The following MTCL1 variants were observed in gnomAD, a reference collection of about 807,000 sequenced individuals.
MTCL1 encodes microtubule crosslinking factor 1.
In MTCL1, 79 loss-of-function variants were observed where a neutral mutation model predicts 141.4. That is an observed-to-expected ratio of 0.56 (90% CI 0.47 to 0.67). The LOEUF is 0.67. Ranked by LOEUF, MTCL1 falls within the 30% of genes least tolerant of loss-of-function variation. The pLI is 0.00. For missense variants in MTCL1, 2,177 were observed against 2,113.9 expected (o/e 1.03, Z -0.59); for synonymous variants, 914 against 875.8 (o/e 1.04, Z -0.77).
chr18:8,799,721 A>T lies in MTCL1; in HGVS notation c.2436+1430A>T, dbSNP rs566950201. On this transcript the variant is annotated intron_variant, in intron 10 of 16. Transcript: ENST00000359865. ...CCACAAACCTGCTGCGTCTAAGAAAACGTGTTTCCCACGCATTCACGCAGA... is the reference window on the plus strand; with the variant it reads ...CCACAAACCTGCTGCGTCTAAGAAATCGTGTTTCCCACGCATTCACGCAGA... Among the ~76,000 whole-genome samples, 7 of 152,288 alleles carry T rather than the reference A, an allele frequency of 4.6e-5. 1 individual carries two copies. The South Asian group carries it at 1.2e-3, about 27-fold the overall frequency.
At chr18:8,763,907 GAATTTTGTTGTTGA>G (rs2096445820) in intron 4 of MTCL1, among the ~76,000 whole-genome samples, 2 of 152,112 alleles carry the variant, frequency 1.3e-5, no homozygotes, top group Non-Finnish European at 2.9e-5. Context: ...CTGTGGGAGC[GAATTTTGTTGTTGA>G]AATTTTTCCT....
chr18:8,758,001 T>C (rs573348548), intron 4 of MTCL1, among the ~76,000 whole-genome samples: 10 of 151,766 alleles, frequency 6.6e-5, no homozygotes, highest in Non-Finnish European at 1.5e-4. Context: ...TGACTCAAAG[T>C]TGATGAGTAG....
chr18:8,801,716 A>C (rs2076130778), intron 10 of MTCL1: 1 of 152,114 alleles, frequency 6.6e-6, no homozygotes, highest in Non-Finnish European at 1.5e-5. Flanking sequence ...TGGCCACCTG[A>C]TTTTCATCAG....
intron 16 of MTCL1, chr18:8,829,214 C>T (rs2077121389): frequency 1.0e-6 from 1 of 985,346 alleles, no homozygotes. Flanking sequence ...GCTGAGATTT[C>T]TCCGCTTTTG....
exon 15 of MTCL1, chr18:8,825,034 A>G (rs1160962710): frequency 1.2e-6 from 2 of 1,612,968 alleles, no homozygotes; most frequent in African/African-American, 2.7e-5. Context: ...GAGCACTGCC[A>G]GAAGCAGCCA....
At chr18:8,802,904 A>G (rs189618058) in intron 10 of MTCL1, among the ~76,000 whole-genome samples, 1 of 152,358 alleles carries the variant, frequency 6.6e-6, no homozygotes, top group Admixed American at 6.5e-5. Flanking sequence ...CAAGAGGTTC[A>G]GAAAGCCTGT....
At position 8,796,442 on chromosome 18, in the gene MTCL1, G is replaced by A. The variant is rs1421550969; in HGVS notation, c.2221G>A (p.Glu741Lys). The change falls in exon 9 of 17, where the codon GAA (glutamate) becomes AAA (lysine). Residue 741 changes from glutamate (E) to lysine (K), a missense_variant. Glu to Lys is a moderately conservative substitution (Grantham distance 56, BLOSUM62 1). Coordinates refer to ENST00000359865, the Ensembl canonical transcript of MTCL1. ...GCGGCAAGGGAAGCAGATGGAGGAG[G>A]AAGGAGAGGAGTTCACTGAGGTAAC... The A allele has an allele frequency of 1.9e-5, 31 of 1,614,082 alleles. No homozygotes were observed. The highest frequency in any genetic ancestry group is 2.7e-5 in the African/African-American group (2 of 74,940).
intron 4 of MTCL1, among the ~76,000 whole-genome samples, chr18:8,728,720 CTTTTTTTTTTTTTT>C (rs34524200): frequency 1.7e-4 from 10 of 59,078 alleles, no homozygotes; most frequent in South Asian, 1.4e-3. Context: ...GTTGTCCATT[CTTTTTTTTTTTTTT>C]TTTTTTTTTT....
At chr18:8,780,566 A>C (rs1276289515) in intron 5 of MTCL1, among the ~76,000 whole-genome samples, 1 of 152,180 alleles carries the variant, frequency 6.6e-6, no homozygotes, top group Non-Finnish European at 1.5e-5. Flanking sequence ...GATTTTTGAC[A>C]ATGGACAGAC....
At chr18:8,706,478 C>T in exon 1 of MTCL1, 3 of 1,267,306 alleles carry the variant, frequency 2.4e-6, no homozygotes, top group East Asian at 3.2e-5. Flanking sequence ...CTCGCCGCGC[C>T]CCTCGCCGCG....
At chr18:8,718,036 A>C in intron 2 of MTCL1, 1 of 947,598 alleles carries the variant, frequency 1.1e-6, no homozygotes. Flanking sequence ...CAGGGTCCGT[A>C]TGATTCATCT....
chr18:8,779,745 G>C lies in MTCL1; in HGVS notation c.417+1853G>C, dbSNP rs572763233. Among the ~76,000 whole-genome samples the C allele has an allele frequency of 2.2e-4, 34 of 152,294 alleles. No individual in the cohort carries two copies. The highest frequency in any genetic ancestry group is 7.2e-4 in the African/African-American group (30 of 41,574). On this transcript the variant is annotated intron_variant, in intron 5 of 16. Transcript: ENST00000359865. This position sits in a 1 kb window ranked among gnomAD's most constrained non-coding sequence, Gnocchi z 4.1. The stretch of plus-strand genomic sequence containing the variant: ...CTTGGTGGCAGGCCTCATAGTGCAT[G>C]TGTGGTTGTTAAGTAGAAATGACAG...
At chr18:8,720,342 C>G (rs2096161500) in exon 4 of MTCL1, 2 of 1,613,962 alleles carry the variant, frequency 1.2e-6, no homozygotes, top group Non-Finnish European at 1.7e-6. Context: ...ATGCAGGTAG[C>G]CAAAGATGTA....
chr18:8,798,119 C>G, exon 10 of MTCL1: 1 of 1,591,244 alleles, frequency 6.3e-7, no homozygotes, highest in South Asian at 1.1e-5. Flanking sequence ...GAGACCCTCT[C>G]CAGGCTCGGG....
intron 4 of MTCL1, among the ~76,000 whole-genome samples, chr18:8,759,990 A>G (rs2096422540): frequency 2.0e-5 from 3 of 152,070 alleles, no homozygotes; most frequent in Non-Finnish European, 2.9e-5. Context: ...CTATGCTGTA[A>G]AGTAGGTCAG....
chr18:8,743,619 C>T (rs570155387), intron 4 of MTCL1, among the ~76,000 whole-genome samples: 5 of 152,384 alleles, frequency 3.3e-5, no homozygotes, highest in African/African-American at 1.2e-4. Flanking sequence ...ATCTACATTT[C>T]TTGGCTCATG....
intron 10 of MTCL1, among the ~76,000 whole-genome samples, chr18:8,802,740 G>C (rs2076164026): frequency 6.6e-6 from 1 of 152,190 alleles, no homozygotes; most frequent in South Asian, 2.1e-4. Flanking sequence ...GCCCTTAGGT[G>C]GAGGAGAGGG....
chr18:8,706,773 G>T, intron 1 of MTCL1, 60 bp downstream of exon 1: 5 of 1,530,790 alleles, frequency 3.3e-6, no homozygotes, highest in Non-Finnish European at 4.4e-6. Flanking sequence ...GGCTGCGGCG[G>T]GGACCCGCCA....
intron 15 of MTCL1, among the ~76,000 whole-genome samples, 168 bp downstream of exon 14, chr18:8,826,400 A>G (rs2077028470): frequency 6.6e-6 from 1 of 152,248 alleles, no homozygotes; most frequent in East Asian, 1.9e-4. Context: ...GAATAGGCAG[A>G]AAAAGCCCTG....
Sources: gnomAD v4.1 joint callset for allele counts (sites outside exome capture counted in the v4.1 genomes callset) on GRCh38, gnomAD v4.1.1 for gene constraint, Gnocchi (gnomAD v3.1) non-coding constraint, MANE v1.5 for transcripts, NCBI Gene and HGNC (gene_info 2026-07-23, HGNC 2026-07-21) for gene names.